FRMD4A: variants seen among roughly 807,000 people sequenced by gnomAD.
FRMD4A encodes the protein FERM domain-containing protein 4A.
In FRMD4A, 29 loss-of-function variants were observed where a neutral mutation model predicts 129.1. The ratio of observed to expected loss-of-function variants is 0.22; its 90% CI spans 0.17 to 0.31. The LOEUF is 0.31. Among genes scored for constraint, FRMD4A ranks in the 10% least tolerant of loss-of-function variants. FRMD4A has a pLI of 1.00. For synonymous variants in FRMD4A, 634 were observed against 571.6 expected (o/e 1.11, Z -1.56); for missense variants, 1,272 against 1,375.8 (o/e 0.92, Z 1.19).
At chr10:13,864,289 C>A (rs1440992347) in intron 2 of FRMD4A, among the ~76,000 whole-genome samples, 1 of 150,062 alleles carries the variant, frequency 6.7e-6, no homozygotes, top group African/African-American at 2.4e-5. Context: ...AGCCACCACA[C>A]CCCGCCATAG....
At chr10:14,031,757 A>C (rs1210528245) in intron 2 of FRMD4A, among the ~76,000 whole-genome samples, 3,039 of 152,266 alleles carry the variant, frequency 0.02, 91 homozygotes, top group African/African-American at 0.068. Flanking sequence ...TGCACTTTGG[A>C]CAACTTTGAG....
At chr10:13,936,507 C>G (rs1398736818) in intron 2 of FRMD4A, among the ~76,000 whole-genome samples, 1 of 152,110 alleles carries the variant, frequency 6.6e-6, no homozygotes, top group Non-Finnish European at 1.5e-5. Flanking sequence ...GAGGGTGAAG[C>G]CTCATGAATG....
chr10:14,079,620 T>C (rs1412714669), intron 2 of FRMD4A, among the ~76,000 whole-genome samples: 1 of 151,812 alleles, frequency 6.6e-6, no homozygotes, highest in Admixed American at 6.6e-5. Flanking sequence ...GGCTAGAGAG[T>C]AGTGGGATGT....
chr10:14,147,071 A>G (rs1205319675), intron 2 of FRMD4A, among the ~76,000 whole-genome samples: 1 of 152,238 alleles, frequency 6.6e-6, no homozygotes, highest in Non-Finnish European at 1.5e-5. Context: ...AATGCCAGAC[A>G]GGTAGGTTCA....
chr10:14,078,340 G>GA (rs1364755578), intron 2 of FRMD4A, among the ~76,000 whole-genome samples: 1 of 152,208 alleles, frequency 6.6e-6, no homozygotes, highest in Non-Finnish European at 1.5e-5. Flanking sequence ...AAATGGGGTA[G>GA]AACCCACATT....
At chr10:14,171,206 TTCTC>T (rs1387760444) in intron 2 of FRMD4A, among the ~76,000 whole-genome samples, 1 of 152,034 alleles carries the variant, frequency 6.6e-6, no homozygotes, top group Non-Finnish European at 1.5e-5. Context: ...CTCAATCACC[TTCTC>T]TCTCTCTCTT....
chr10:13,894,680 G>A (rs1294460545), intron 2 of FRMD4A, among the ~76,000 whole-genome samples: 1 of 152,176 alleles, frequency 6.6e-6, no homozygotes, highest in Admixed American at 6.5e-5. Context: ...CACTCTTTGG[G>A]TAGCTGGCTC....
In FRMD4A at chr10:13,881,725, C is replaced by T. The variant is rs555062899; in HGVS notation, c.46-22813G>A. Among the ~76,000 whole-genome samples the T allele has an allele frequency of 6.6e-5, 10 of 152,108 alleles. No individual in the cohort carries two copies. The South Asian group carries it at 1.5e-3, about 22-fold the overall frequency. On this transcript the variant is annotated intron_variant, in intron 2 of 24. Coordinates refer to ENST00000357447, the MANE Select transcript of FRMD4A (RefSeq NM_018027.5). ...AAGATACGGTCCTACCCCTAAAAAGCGACGGTGGGAGGCATGTGAACAGGT... is the reference window on the plus strand; with the variant it reads ...AAGATACGGTCCTACCCCTAAAAAGTGACGGTGGGAGGCATGTGAACAGGT...
chr10:13,982,808 T>C (rs1019314846), intron 2 of FRMD4A, among the ~76,000 whole-genome samples: 3 of 152,230 alleles, frequency 2.0e-5, no homozygotes, highest in Non-Finnish European at 4.4e-5. Flanking sequence ...TAAATTTGTA[T>C]GCCTTTTCCT....
chr10:14,107,637 T>G (rs767031950), intron 2 of FRMD4A, among the ~76,000 whole-genome samples: 1 of 152,208 alleles, frequency 6.6e-6, no homozygotes, highest in Non-Finnish European at 1.5e-5. Context: ...TGAACTTTGC[T>G]GTATTTTAAA....
intron 12 of FRMD4A, among the ~76,000 whole-genome samples, chr10:13,735,290 C>T (rs2090568736): frequency 6.6e-6 from 1 of 152,190 alleles, no homozygotes; most frequent in African/African-American, 2.4e-5. Context: ...CCACAGAAAC[C>T]CAAGTGATTT....
chr10:13,867,514 G>A (rs545110371), intron 2 of FRMD4A, among the ~76,000 whole-genome samples: 27 of 148,430 alleles, frequency 1.8e-4, no homozygotes, highest in African/African-American at 6.5e-4. Flanking sequence ...TCCCACCACA[G>A]CCTCCCAAAG....
intron 15 of FRMD4A, among the ~76,000 whole-genome samples, chr10:13,676,464 G>C (rs1352201050): frequency 6.7e-6 from 1 of 148,622 alleles, no homozygotes; most frequent in Non-Finnish European, 1.5e-5. Context: ...TAGTTGAGAC[G>C]GGGTTTCACC....
rs555481312 is a variant in FRMD4A, at chr10:14,159,003, A to T, written c.45+171055T>A. 6.6e-5 allele frequency among the ~76,000 whole-genome samples: 10 copies of T among 152,360 alleles called. No homozygotes were observed. The South Asian group carries it at 1.7e-3, about 25-fold the overall frequency. Reference sequence around the variant, plus strand: ...ATGTGAAAAGGAAGAAAAGGAGAGTATATAAAGGCAAGTTGTTGGCTTGGG... The same window carrying T: ...ATGTGAAAAGGAAGAAAAGGAGAGTTTATAAAGGCAAGTTGTTGGCTTGGG... On this transcript the variant is annotated intron_variant, in intron 2 of 24. Transcript: ENST00000357447.
intron 3 of FRMD4A, among the ~76,000 whole-genome samples, chr10:13,842,976 C>T (rs545866363): frequency 6.6e-6 from 1 of 152,246 alleles, no homozygotes; most frequent in South Asian, 2.1e-4. Flanking sequence ...AAAATGACTG[C>T]AGCCCCACCT....
intron 6 of FRMD4A, among the ~76,000 whole-genome samples, chr10:13,765,126 T>TG (rs2092239774): frequency 6.7e-6 from 1 of 149,206 alleles, no homozygotes; most frequent in African/African-American, 2.5e-5. Context: ...TTTTTTTTTT[T>TG]TTTTTGAGAC....
chr10:14,228,066 G>T (rs541583926), intron 2 of FRMD4A, among the ~76,000 whole-genome samples: 2 of 152,064 alleles, frequency 1.3e-5, no homozygotes, highest in South Asian at 4.2e-4. Context: ...TAGAGACAGG[G>T]TTTCACCATG....
rs769448624 is a variant in FRMD4A, at chr10:14,000,646, C to CAAACAAAAA, written c.46-141735_46-141734insTTTTTGTTT. 9.2e-5 allele frequency among the ~76,000 whole-genome samples: 4 copies of CAAACAAAAA among 43,470 alleles called. No individual in the cohort carries two copies. The East Asian group carries it at 2.6e-3, about 28-fold the overall frequency. 28.5% of individuals were successfully genotyped at this position (43,470 alleles called of 152,430 possible). On this transcript the variant is annotated intron_variant, in intron 2 of 24. Coordinates refer to ENST00000357447, the MANE Select transcript of FRMD4A (RefSeq NM_018027.5). ...TGGGTGACAGAGCAAGACGCCACCTCAAAAAAAAAAAAAAAAAAAAAAGAG... is the reference window on the plus strand; with the variant it reads ...TGGGTGACAGAGCAAGACGCCACCTCAAACAAAAAAAAAAAAAAAAAAAAAAAAAAAGAG...
chr10:14,330,696 GC>G lies in FRMD4A; in HGVS notation c.-182del, dbSNP rs946742729. The G allele has an allele frequency of 5.0e-6, 2 of 398,574 alleles. No homozygotes were observed. The highest frequency in any genetic ancestry group is 4.1e-5 in the African/African-American group (2 of 48,586). 24.7% of individuals were successfully genotyped at this position (398,574 alleles called of 1,614,324 possible). A position where few individuals can be genotyped will look rare whatever the true frequency, so the allele number is the denominator to read the frequency against. On this transcript the variant is annotated 5_prime_UTR_variant, in exon 1 of 25. Coordinates refer to ENST00000357447, the MANE Select transcript of FRMD4A (RefSeq NM_018027.5). ...TGAGACAGCCGAGTCTGACCATGAG[GC>G]ACCAGGCAGTCACTGGAGATCAGCA...
Sources: gnomAD v4.1 joint callset for allele counts (sites outside exome capture counted in the v4.1 genomes callset) on GRCh38, gnomAD v4.1.1 for gene constraint, MANE v1.5 for transcripts, NCBI Gene and HGNC (gene_info 2026-07-23, HGNC 2026-07-21) for gene names.